CAMKMT: variants seen among roughly 807,000 people sequenced by gnomAD.
The protein encoded by CAMKMT is CaM KMT.
Under a neutral mutation model 48.0 loss-of-function variants are expected in CAMKMT, and 53 were observed. The ratio of observed to expected loss-of-function variants is 1.10; its 90% CI spans 0.89 to 1.39. The LOEUF (loss-of-function observed/expected upper bound fraction) is 1.39. Among genes scored for constraint, CAMKMT ranks in the 40% most tolerant of loss-of-function variants. The pLI, the probability that CAMKMT is intolerant of heterozygous loss-of-function variation, is 0.00. For synonymous variants in CAMKMT, 165 were observed against 152.3 expected (o/e 1.08, Z -0.61); for missense variants, 428 against 402.7 (o/e 1.06, Z -0.54).
chr2:44,594,019 T>G (rs1204028598), intron 3 of CAMKMT, among the ~76,000 whole-genome samples: 1 of 152,064 alleles, frequency 6.6e-6, no homozygotes, highest in Non-Finnish European at 1.5e-5. Flanking sequence ...CACCTCAGCC[T>G]CCAAAAGTGC....
intron 3 of CAMKMT, among the ~76,000 whole-genome samples, chr2:44,521,999 T>A (rs975644367): frequency 1.3e-5 from 2 of 151,688 alleles, no homozygotes; most frequent in African/African-American, 4.9e-5. Flanking sequence ...TTTTCTCTTC[T>A]TTTCTTTCTT....
At chr2:44,399,618 T>C (rs982533200) in intron 3 of CAMKMT, among the ~76,000 whole-genome samples, 1 of 148,458 alleles carries the variant, frequency 6.7e-6, no homozygotes, top group Non-Finnish European at 1.5e-5. Context: ...AAATACAAAA[T>C]AATCAAGAAA....
rs527707020 is a variant in CAMKMT, at chr2:44,699,833, A to C, written c.377-4450A>C. Reference sequence around the variant, plus strand: ...AGAATGGTGCAGAGCATTGGCATCAACTTAGTCACCAGCCGCACTAGCCCC... The same window carrying C: ...AGAATGGTGCAGAGCATTGGCATCACCTTAGTCACCAGCCGCACTAGCCCC... On this transcript the variant is annotated intron_variant, in intron 3 of 10. Transcript: ENST00000378494. Among the ~76,000 whole-genome samples, 4 of 152,300 alleles carry C rather than the reference A, an allele frequency of 2.6e-5. No homozygotes were observed. The East Asian group carries it at 7.7e-4, about 29-fold the overall frequency.
At position 44,564,366 on chromosome 2, in the gene CAMKMT, G is replaced by A. The variant is rs1444171667; in HGVS notation, c.377-139917G>A. 6.6e-5 allele frequency among the ~76,000 whole-genome samples: 10 copies of A among 151,836 alleles called. No homozygotes were observed. In the South Asian group the frequency reaches 1.3e-3, roughly 19 times the overall value. On this transcript the variant is annotated intron_variant, in intron 3 of 10. Transcript: ENST00000378494. ...ATTTTTGTATTTTTAATAGAAACGG[G>A]GTTTCACCACCTTGGCCAGGTTAGT...
At chr2:44,453,862 T>A (rs1252329470) in intron 3 of CAMKMT, among the ~76,000 whole-genome samples, 1 of 151,990 alleles carries the variant, frequency 6.6e-6, no homozygotes, top group African/African-American at 2.4e-5. Context: ...GATTAAGAGG[T>A]GTTTTTCTAT....
chr2:44,715,065 T>C (rs1678098913), intron 6 of CAMKMT, among the ~76,000 whole-genome samples: 1 of 151,964 alleles, frequency 6.6e-6, no homozygotes, highest in South Asian at 2.1e-4. Context: ...TGGTGGCTCA[T>C]GCCTTTAGTC....
intron 3 of CAMKMT, among the ~76,000 whole-genome samples, chr2:44,580,448 G>A (rs1460189091): frequency 5.3e-5 from 8 of 152,086 alleles, no homozygotes; most frequent in African/African-American, 1.7e-4. Context: ...TCACAGGACT[G>A]AATTTATTTT....
intron 3 of CAMKMT, among the ~76,000 whole-genome samples, chr2:44,602,809 C>T (rs1337639491): frequency 6.6e-6 from 1 of 152,062 alleles, no homozygotes; most frequent in Non-Finnish European, 1.5e-5. Context: ...TGACCTCCCA[C>T]CAGGTCCCTC....
At chr2:44,369,832 A>G (rs975984464) in intron 1 of CAMKMT, 3 of 152,230 alleles carry the variant, frequency 2.0e-5, no homozygotes, top group Admixed American at 2.0e-4. Flanking sequence ...AAGTATCTTT[A>G]CAACTATTCT....
chr2:44,375,115 A>G (rs1679549047), intron 2 of CAMKMT, among the ~76,000 whole-genome samples: 2 of 152,036 alleles, frequency 1.3e-5, no homozygotes, highest in Non-Finnish European at 1.5e-5. Context: ...TGGGCGATAG[A>G]GTGAGACCCC....
intron 3 of CAMKMT, among the ~76,000 whole-genome samples, chr2:44,425,949 T>C (rs1684250841): frequency 1.3e-5 from 2 of 152,206 alleles, no homozygotes; most frequent in Non-Finnish European, 2.9e-5. Context: ...CAGGCTGGTC[T>C]CGAACTCCTG....
At chr2:44,487,432 A>C (rs1558651381) in intron 3 of CAMKMT, among the ~76,000 whole-genome samples, 1 of 152,194 alleles carries the variant, frequency 6.6e-6, no homozygotes. Flanking sequence ...TGATAATTAT[A>C]ATCAAATAGA....
intron 3 of CAMKMT, among the ~76,000 whole-genome samples, chr2:44,400,606 T>A (rs1040331489): frequency 6.6e-6 from 1 of 152,036 alleles, no homozygotes; most frequent in Non-Finnish European, 1.5e-5. Flanking sequence ...TACTTAAAAA[T>A]TCTTTTGGTG....
chr2:44,542,335 A>G (rs943134596), intron 3 of CAMKMT, among the ~76,000 whole-genome samples: 1 of 152,110 alleles, frequency 6.6e-6, no homozygotes, highest in African/African-American at 2.4e-5. Context: ...GCCCCCAAAA[A>G]TCAACTGGAA....
chr2:44,770,273 G>C (rs1225408561), intron 10 of CAMKMT, among the ~76,000 whole-genome samples: 2 of 152,196 alleles, frequency 1.3e-5, no homozygotes, highest in African/African-American at 4.8e-5. Flanking sequence ...TTATAGTGTT[G>C]CCTTTGAGGG....
chr2:44,531,277 A>G lies in CAMKMT; in HGVS notation c.376+140972A>G, dbSNP rs183502669. Among the ~76,000 whole-genome samples the G allele has an allele frequency of 2.9e-3, 448 of 152,270 alleles. 1 individual carries two copies. Among genetic ancestry groups the G allele is most frequent in the South Asian group, 8.3e-3 (40 of 4,826 alleles). On this transcript the variant is annotated intron_variant, in intron 3 of 10. Transcript: ENST00000378494. ...AATGGGTCTAATACACCAGGGTCAC[A>G]TAGAGTTCAAATCCTGGAAATATAT...
rs1188409783 is a variant in CAMKMT, at chr2:44,618,019, TC to T, written c.377-86263del. ...CAAGAAAGCATCATATCTGAGCTAT[TC>T]TTTTCATCTCCTTCCTGTTTCTTTG... On this transcript the variant is annotated intron_variant, in intron 3 of 10. Transcript: ENST00000378494. The surrounding 1 kb of genome is among the most constrained non-coding windows in gnomAD (Gnocchi z 4.0). Among the ~76,000 whole-genome samples the T allele has an allele frequency of 3.9e-5, 6 of 152,216 alleles. No homozygotes were observed. The highest frequency in any genetic ancestry group is 1.4e-4 in the African/African-American group (6 of 41,462).
chr2:44,485,625 G>T (rs1030654398), intron 3 of CAMKMT, among the ~76,000 whole-genome samples: 1 of 152,132 alleles, frequency 6.6e-6, no homozygotes, highest in Admixed American at 6.5e-5. Context: ...AACCTCTCCA[G>T]CATGTTACTG....
chr2:44,593,301 G>A (rs1670424715), intron 3 of CAMKMT, among the ~76,000 whole-genome samples: 1 of 152,162 alleles, frequency 6.6e-6, no homozygotes, highest in Admixed American at 6.5e-5. Context: ...AATCCTTTCT[G>A]ATAGGTCTTT....
Sources: allele counts gnomAD v4.1 joint callset (sites outside exome capture counted in the v4.1 genomes callset), GRCh38; gene constraint gnomAD v4.1.1; non-coding constraint Gnocchi (gnomAD v3.1); transcripts MANE v1.5; gene names NCBI Gene and HGNC (gene_info 2026-07-23, HGNC 2026-07-21).